The following ARMH3 variants were observed in gnomAD, a reference collection of about 807,000 sequenced individuals.
ARMH3 encodes armadillo-like helical domain-containing protein 3.
In ARMH3, 60 loss-of-function variants were observed where a neutral mutation model predicts 99.1. That is an observed-to-expected ratio of 0.61 (90% CI 0.49 to 0.75). ARMH3 has a LOEUF of 0.75. Ranked by LOEUF, ARMH3 falls within the 30% of genes least tolerant of loss-of-function variation. ARMH3 has a pLI of 0.00. For missense variants in ARMH3, 679 were observed against 843.1 expected, an observed-to-expected ratio of 0.81 and a Z score of 2.41; for synonymous variants, 285 against 292.8, an observed-to-expected ratio of 0.97 and a Z score of 0.27.
At chr10:101,862,774 A>G (rs1376212709) in intron 24 of ARMH3, among the ~76,000 whole-genome samples, 1 of 152,204 alleles carries the variant, frequency 6.6e-6, no homozygotes, top group Non-Finnish European at 1.5e-5. Flanking sequence ...GTGGATGGGA[A>G]AAACGGGGGA....
chr10:101,938,852 A>G (rs1199124468), intron 23 of ARMH3, among the ~76,000 whole-genome samples: 1 of 152,240 alleles, frequency 6.6e-6, no homozygotes, highest in Non-Finnish European at 1.5e-5. Flanking sequence ...CTTCACTGCA[A>G]TCTTGTTAGC....
chr10:101,935,194 T>C (rs1037199342), intron 23 of ARMH3, among the ~76,000 whole-genome samples: 2 of 147,824 alleles, frequency 1.4e-5, no homozygotes, highest in Non-Finnish European at 3.0e-5. Context: ...TATATATATA[T>C]ATATACATTT....
chr10:101,898,899 G>T (rs2067908230), intron 23 of ARMH3, among the ~76,000 whole-genome samples: 1 of 152,228 alleles, frequency 6.6e-6, no homozygotes, highest in South Asian at 2.1e-4. Flanking sequence ...ACACCTGGAT[G>T]TCTTGCTTTT....
intron 19 of ARMH3, among the ~76,000 whole-genome samples, chr10:101,980,663 T>C (rs1288590444): frequency 1.3e-5 from 2 of 152,040 alleles, no homozygotes; most frequent in Non-Finnish European, 2.9e-5. Context: ...CCTACTGACT[T>C]TAGCAGACAC....
intron 8 of ARMH3, among the ~76,000 whole-genome samples, chr10:102,023,085 G>A (rs2066922295): frequency 6.6e-6 from 1 of 151,996 alleles, no homozygotes; most frequent in Non-Finnish European, 1.5e-5. Flanking sequence ...TACTTGGGAG[G>A]CTGAGGCAGG....
At chr10:101,892,550 C>T (rs2067719827) in intron 23 of ARMH3, among the ~76,000 whole-genome samples, 7 of 151,966 alleles carry the variant, frequency 4.6e-5, no homozygotes. Context: ...TTTATAGCTT[C>T]TTGATAGTAA....
Position 102,023,668 on chromosome 10 carries a change from G to C in ARMH3, c.582+7C>G, listed in dbSNP as rs200910340. On this transcript the variant is annotated splice_region_variant and intron_variant, in intron 7 of 25. Transcript: ENST00000370033. ...ACCCCAAAGAGAGGAGGTAACAAGG[G>C]ACCTACCTGTAAAATTGCTTCAAAT... 34 of 1,613,020 alleles carry C rather than the reference G, an allele frequency of 2.1e-5. No individual in the cohort carries two copies. In the African/African-American group the frequency reaches 3.1e-4, roughly 15 times the overall value.
At chr10:101,944,532 G>C (rs1000366448) in intron 22 of ARMH3, among the ~76,000 whole-genome samples, 1 of 151,974 alleles carries the variant, frequency 6.6e-6, no homozygotes, top group East Asian at 1.9e-4. Flanking sequence ...AGCATTCAGA[G>C]GCCAGGCATG....
At chr10:102,043,987 G>C (rs901251644) in intron 1 of ARMH3, among the ~76,000 whole-genome samples, 2 of 152,068 alleles carry the variant, frequency 1.3e-5, no homozygotes, top group Non-Finnish European at 2.9e-5. Flanking sequence ...TGCAATCTCG[G>C]CTCACTGCAA....
intron 22 of ARMH3, among the ~76,000 whole-genome samples, chr10:101,948,319 A>T (rs1235595523): frequency 1.3e-5 from 2 of 152,206 alleles, no homozygotes; most frequent in Non-Finnish European, 1.5e-5. Flanking sequence ...TAAGTCCAAG[A>T]GTTTGAGGAT....
At chr10:102,007,460 C>A (rs1230868952) in intron 13 of ARMH3, among the ~76,000 whole-genome samples, 2 of 151,672 alleles carry the variant, frequency 1.3e-5, no homozygotes, top group African/African-American at 4.8e-5. Context: ...CATCAATAGG[C>A]TGTTCTGATA....
Position 101,975,258 on chromosome 10 carries a change from C to A in ARMH3, c.1449G>T (p.Lys483Asn). 1 of 1,612,666 alleles carries A rather than the reference C, an allele frequency of 6.2e-7. No homozygotes were observed. The highest frequency in any genetic ancestry group is 8.5e-7 in the Non-Finnish European group (1 of 1,179,096). The change falls in exon 20 of 26, where the codon AAG becomes AAT. Residue 483 changes from lysine to asparagine, a missense_variant. Lys to Asn is a moderately conservative substitution (Grantham distance 94, BLOSUM62 0). Around this residue, in one of 3 missense-constraint regions of ARMH3, gnomAD observed 389 missense variants for 456.5 expected, o/e 0.85. Coordinates refer to ENST00000370033, the MANE Select transcript of ARMH3 (RefSeq NM_024541.3). The part of the protein sequence containing the change: ...QVVHKLLCYQ[K>N]KCRVRLHYTW... ...TGTAATGCAGGCGTACCCGACACTT[C>A]TTCTGGTAGCAGAGCAGTTTGTGTA...
intron 23 of ARMH3, among the ~76,000 whole-genome samples, chr10:101,892,670 C>A (rs1018086454): frequency 3.7e-4 from 57 of 152,070 alleles, no homozygotes; most frequent in Admixed American, 3.7e-3. Flanking sequence ...TAGTCTATTG[C>A]AGCCATATAA....
intron 23 of ARMH3, among the ~76,000 whole-genome samples, chr10:101,894,829 T>C (rs866244827): frequency 2.8e-5 from 4 of 144,856 alleles, no homozygotes; most frequent in African/African-American, 1.0e-4. Flanking sequence ...GCCAGAATCA[T>C]GCCACTTCAC....
intron 25 of ARMH3, among the ~76,000 whole-genome samples, chr10:101,848,360 A>G (rs2066507952): frequency 6.6e-6 from 1 of 152,170 alleles, no homozygotes; most frequent in South Asian, 2.1e-4. Flanking sequence ...CAGCAGGGTA[A>G]AAGCCTGTAG....
At chr10:102,009,310 C>A in intron 13 of ARMH3, 64 bp downstream of exon 13, 2 of 1,451,586 alleles carry the variant, frequency 1.4e-6, no homozygotes, top group Non-Finnish European at 1.9e-6. Flanking sequence ...ATAGGCTTTT[C>A]AATGGAATTA....
At chr10:101,924,862 C>A (rs1296082991) in intron 23 of ARMH3, among the ~76,000 whole-genome samples, 2 of 151,978 alleles carry the variant, frequency 1.3e-5, no homozygotes, top group Non-Finnish European at 2.9e-5. Context: ...GGTGTGGTGG[C>A]ACGCACATGT....
At chr10:101,848,436 C>T (rs1055703619) in intron 25 of ARMH3, among the ~76,000 whole-genome samples, 5 of 152,142 alleles carry the variant, frequency 3.3e-5, no homozygotes, top group African/African-American at 1.2e-4. Context: ...GCAGACTCTT[C>T]AAGGAGATTT....
At chr10:101,984,618 G>T (rs956040173) in intron 19 of ARMH3, among the ~76,000 whole-genome samples, 1 of 151,816 alleles carries the variant, frequency 6.6e-6, no homozygotes, top group Non-Finnish European at 1.5e-5. Flanking sequence ...CAACCCCTGC[G>T]GCCATCTATC....
Sources: gnomAD v4.1 joint callset for allele counts (sites outside exome capture counted in the v4.1 genomes callset) on GRCh38, gnomAD v4.1.1 for gene constraint, gnomAD v4.1.1 regional missense constraint, MANE v1.5 for transcripts, NCBI Gene and HGNC (gene_info 2026-07-23, HGNC 2026-07-21) for gene names.